The following CHD7 variants were observed in gnomAD, a reference collection of about 807,000 sequenced individuals.
CHD7 encodes ATP-dependent chromatin remodeler CHD7.
Under a neutral mutation model 307.3 loss-of-function variants are expected in CHD7, and 24 were observed. That is an observed-to-expected ratio of 0.08 (90% CI 0.06 to 0.11). The LOEUF (loss-of-function observed/expected upper bound fraction) is 0.11, where lower values mean the gene tolerates loss of function less well. CHD7 is among the 10% of genes least tolerant of loss of function. The pLI is 1.00. For synonymous variants in CHD7, 1,363 were observed against 1,349.9 expected (o/e 1.01, Z -0.21); for missense variants, 3,106 against 3,727.1 (o/e 0.83, Z 4.34).
chr8:60,718,941 C>T (rs1477183077), intron 1 of CHD7, among the ~76,000 whole-genome samples: 1 of 152,188 alleles, frequency 6.6e-6, no homozygotes, highest in African/African-American at 2.4e-5. Flanking sequence ...CAGTTGCCTA[C>T]AGTATTCTGT....
rs1806052884 is a variant in CHD7, at chr8:60,862,632, A to G, written c.8056A>G (p.Thr2686Ala). 6.4e-7 allele frequency: 1 copy of G among 1,565,692 alleles called. No individual in the cohort carries two copies. The highest frequency in any genetic ancestry group is 8.7e-7 in the Non-Finnish European group (1 of 1,153,842). The change falls in exon 37 of 38, where the codon ACT (threonine) becomes GCT (alanine). Residue 2686 changes from threonine to alanine, a missense_variant. By Grantham distance (58) the Thr-to-Ala change is moderately conservative (BLOSUM62 0). Coordinates refer to ENST00000423902, the MANE Select transcript of CHD7 (RefSeq NM_017780.4). ...TGAATTTGCAGTTGCTCCAGACTGG[A>G]CTGATATAGTTAAGCAGTCTGTAAG... is the stretch of plus-strand genomic sequence containing the variant. ...NPEFAVAPDW[T>A]DIVKQSGFVP...
chr8:60,856,091 C>T lies in CHD7; in HGVS notation c.7053C>T (p.Pro2351=). The change falls in exon 33 of 38, where the codon CCC becomes CCT. Residue 2351 remains proline, a synonymous_variant. Transcript: ENST00000423902. ...DFQGLIPGYT[P]TTVDSPLQKR... ...AAGGCCTCATCCCAGGTTACACACC[C>T]ACCACAGTGGACAGCCCCTTGCAGA... The T allele has an allele frequency of 6.2e-7, 1 of 1,611,478 alleles. No homozygotes were observed. The highest frequency in any genetic ancestry group is 1.7e-4 in the Middle Eastern group (1 of 6,058).
Position 60,865,895 on chromosome 8 carries a change from G to T in CHD7, c.8956G>T (p.Gly2986Trp), listed in dbSNP as rs1351104278. The T allele has an allele frequency of 6.2e-7, 1 of 1,608,364 alleles. No individual in the cohort carries two copies. Among genetic ancestry groups the T allele is most frequent in the Middle Eastern group, 1.7e-4 (1 of 6,058 alleles). ...GGGTGAAGAGCTAGACTCACTTGATGGGGGGGATGAAATAGAAAACAATGA... is the reference window on the plus strand; with the variant it reads ...GGGTGAAGAGCTAGACTCACTTGATTGGGGGGATGAAATAGAAAACAATGA... Reference protein sequence around the residue: ...AQGEELDSLDGGDEIENNEND... With the variant: ...AQGEELDSLDWGDEIENNEND... Residue 2986 changes from glycine to tryptophan, a missense_variant, in exon 38 of 38, where the codon GGG becomes TGG. Around this residue, in one of 10 missense-constraint regions of CHD7, gnomAD observed 351 missense variants for 366.2 expected, o/e 0.96. Coordinates refer to ENST00000423902, the MANE Select transcript of CHD7 (RefSeq NM_017780.4). This position sits in a 1 kb window ranked among gnomAD's most constrained non-coding sequence, Gnocchi z 4.3.
At chr8:60,732,546 A>G (rs929202498) in intron 1 of CHD7, among the ~76,000 whole-genome samples, 2 of 152,198 alleles carry the variant, frequency 1.3e-5, no homozygotes, top group African/African-American at 4.8e-5. Context: ...TAGGCTTGAC[A>G]TCACCTGGAG....
At chr8:60,857,733 T>A (rs17826359) in intron 34 of CHD7, among the ~76,000 whole-genome samples, 70,834 of 151,974 alleles carry the variant, frequency 0.47, 19,990 homozygotes, top group East Asian at 0.75. Flanking sequence ...GAAACTGAAA[T>A]TTGAGATTGA....
chr8:60,680,460 G>A (rs760583437), intron 1 of CHD7, among the ~76,000 whole-genome samples: 1 of 149,050 alleles, frequency 6.7e-6, no homozygotes, highest in African/African-American at 2.5e-5. Flanking sequence ...GGCGCTGGTC[G>A]GGAGGCTCTG....
intron 1 of CHD7, among the ~76,000 whole-genome samples, chr8:60,714,194 T>C (rs1340820885): frequency 6.6e-6 from 1 of 151,686 alleles, no homozygotes; most frequent in Non-Finnish European, 1.5e-5. Flanking sequence ...GGGCGGGGCA[T>C]CCCCTGGGCC....
At position 60,836,798 on chromosome 8, in the gene CHD7, T is replaced by A. The variant is rs763563129; in HGVS notation, c.3990-19T>A. On this transcript the variant is annotated intron_variant, in intron 16 of 37. Coordinates refer to ENST00000423902, the MANE Select transcript of CHD7 (RefSeq NM_017780.4). ...GTCGCTATGCGTCAGGCCTCCTTGT[T>A]CACACTGATGTTTTCTAGGTACCCA... 1 of 1,607,850 alleles carries A rather than the reference T, an allele frequency of 6.2e-7. No individual in the cohort carries two copies.
chr8:60,858,208 A>T (rs1161401918), intron 34 of CHD7, among the ~76,000 whole-genome samples: 1 of 152,212 alleles, frequency 6.6e-6, no homozygotes, highest in African/African-American at 2.4e-5. Context: ...GTGAATCGAG[A>T]TTGCATCACT....
In CHD7 at chr8:60,735,339, G is replaced by T. The variant is rs146898207; in HGVS notation, c.-174-5920G>T. ...GTCAGTGGTTTTCCTTATTAAAAAT[G>T]TGTCTCTTCTGTTAATATCAGCAAA... On this transcript the variant is annotated intron_variant, in intron 1 of 37. Transcript: ENST00000423902. Among the ~76,000 whole-genome samples the T allele has an allele frequency of 9.2e-5, 14 of 152,310 alleles. 1 individual carries two copies. The highest frequency in any genetic ancestry group is 6.2e-4 in the South Asian group (3 of 4,826).
chr8:60,821,885 G>A lies in CHD7; in HGVS notation c.2793G>A (p.Glu931=). 6.2e-7 allele frequency: 1 copy of A among 1,611,486 alleles called. No homozygotes were observed. The highest frequency in any genetic ancestry group is 8.5e-7 in the Non-Finnish European group (1 of 1,178,630). The change falls in exon 10 of 38, where the codon GAG becomes GAA. Residue 931 remains glutamate, a synonymous_variant. Transcript: ENST00000423902. ...RQDIDQAKIE[E]FEKLMSREPE... ...ACATAGATCAAGCAAAGATCGAGGA[G>A]TTTGAGAAACTAATGTCCAGGGAGC... is the stretch of plus-strand genomic sequence containing the variant.
rs1032630754 is a variant in CHD7 at position 60,830,645 on chromosome 8, C to T, written c.3778+68C>T. The stretch of plus-strand genomic sequence containing the variant: ...AGCACCAGAAATCCCTTTCTGCCCC[C>T]AGACTGGGGATTTCATGGTGTATAG... On this transcript the variant is annotated intron_variant, in intron 15 of 37. Transcript: ENST00000423902. 3.2e-5 allele frequency: 49 copies of T among 1,549,426 alleles called. No homozygotes were observed. In the Middle Eastern group the frequency reaches 8.6e-4, roughly 27 times the overall value.
intron 1 of CHD7, among the ~76,000 whole-genome samples, chr8:60,700,130 G>T (rs1036557727): frequency 2.0e-5 from 3 of 152,100 alleles, no homozygotes; most frequent in African/African-American, 7.2e-5. Flanking sequence ...GAGCCACCGT[G>T]CCTGGCAACT....
chr8:60,777,107 A>G (rs1399971067), intron 2 of CHD7, among the ~76,000 whole-genome samples: 1 of 152,116 alleles, frequency 6.6e-6, no homozygotes, highest in Non-Finnish European at 1.5e-5. Context: ...CTTTAGCTTA[A>G]TTTGTGGGGA....
At chr8:60,821,701 T>G in intron 9 of CHD7, 89 bp from the exon 10 acceptor site, 1 of 1,105,518 alleles carries the variant, frequency 9.0e-7, no homozygotes, top group Non-Finnish European at 1.3e-6. Flanking sequence ...TACATATCTA[T>G]ATGTATAAAC....
chr8:60,680,599 G>C lies in CHD7; in HGVS notation c.-175+1517G>C, dbSNP rs1025808914. 9.2e-5 allele frequency among the ~76,000 whole-genome samples: 14 copies of C among 152,098 alleles called. 1 individual carries two copies. Among genetic ancestry groups the C allele is most frequent in the Non-Finnish European group, 1.8e-4 (12 of 68,000 alleles). On this transcript the variant is annotated intron_variant, in intron 1 of 37. Transcript: ENST00000423902. ...CCGGCCGGCCGCCCGCTTTGTGAGCGCCCCCGTGAAGCGAGCGGCGCGGAG... is the reference window on the plus strand; with the variant it reads ...CCGGCCGGCCGCCCGCTTTGTGAGCCCCCCCGTGAAGCGAGCGGCGCGGAG...
At chr8:60,706,293 A>G (rs1807019414) in intron 1 of CHD7, among the ~76,000 whole-genome samples, 1 of 152,172 alleles carries the variant, frequency 6.6e-6, no homozygotes, top group Non-Finnish European at 1.5e-5. Context: ...TAAGTTGATA[A>G]TGTTCAGGAA....
rs1050658113 is a variant in CHD7, at chr8:60,679,587, C to A, written c.-175+505C>A. On this transcript the variant is annotated intron_variant, in intron 1 of 37. Coordinates refer to ENST00000423902, the MANE Select transcript of CHD7 (RefSeq NM_017780.4). ...AGTTGGGCTCCAACTCAAGTGCGAG[C>A]GGGCGATGGGCGCGCGGGCGCGGGG... The A allele has an allele frequency of 5.4e-5, 8 of 147,710 alleles. No individual in the cohort carries two copies. The South Asian group carries it at 1.1e-3, about 20-fold the overall frequency. The allele number at this position is 147,710 out of a possible 1,614,324, so 9.1% of individuals were successfully genotyped here.
chr8:60,840,355 C>G (rs1458721881), intron 19 of CHD7, among the ~76,000 whole-genome samples: 1 of 152,178 alleles, frequency 6.6e-6, no homozygotes, highest in Admixed American at 6.5e-5. Flanking sequence ...CCAAACTTAT[C>G]ACCCCTGTCT....
Sources: gnomAD v4.1 joint callset for allele counts (sites outside exome capture counted in the v4.1 genomes callset) on GRCh38, gnomAD v4.1.1 for gene constraint, gnomAD v4.1.1 regional missense constraint, Gnocchi (gnomAD v3.1) non-coding constraint, MANE v1.5 for transcripts, NCBI Gene and HGNC (gene_info 2026-07-23, HGNC 2026-07-21) for gene names.